Variants in TNK2 observed in about 807,000 individuals in gnomAD.
TNK2 encodes the protein activated CDC42 kinase 1.
In TNK2, 83 loss-of-function variants were observed where a neutral mutation model predicts 101.8. The ratio of observed to expected loss-of-function variants is 0.82; its 90% confidence interval spans 0.68 to 0.98. TNK2 has a LOEUF of 0.98. Among genes scored for constraint, TNK2 ranks in the 50% least tolerant of loss-of-function variants. The pLI is 0.00. For missense variants in TNK2, 1,665 were observed against 1,483.2 expected, an observed-to-expected ratio of 1.12 and a Z score of -2.01; for synonymous variants, 804 against 633.0, an observed-to-expected ratio of 1.27 and a Z score of -4.06.
intron 9 of TNK2, chr3:195,876,675 GGGGAAGGAGCCCCCAGA>G (rs1560501098): frequency 2.2e-6 from 1 of 454,604 alleles, no homozygotes; most frequent in African/African-American, 2.0e-5. Context: ...GGTGGCCCAG[GGGGAAGGAGCCCCCAGA>G]GCCCCACCAG....
At chr3:195,868,764 C>G in intron 12 of TNK2, 55 bp from the exon 13 acceptor site, 3 of 1,479,540 alleles carry the variant, frequency 2.0e-6, no homozygotes, top group South Asian at 2.7e-5. Context: ...GTCTGGGACA[C>G]GAGGGGAGGT....
chr3:195,891,543 G>GCGTCGTGGCTTTC (rs1321763682), intron 1 of TNK2, among the ~76,000 whole-genome samples: 1 of 152,204 alleles, frequency 6.6e-6, no homozygotes, highest in Non-Finnish European at 1.5e-5. Flanking sequence ...AGAGGACCAG[G>GCGTCGTGGCTTTC]CGTCGTGGCT....
chr3:195,869,912 C>G, intron 11 of TNK2: 1 of 561,066 alleles, frequency 1.8e-6, no homozygotes, highest in Non-Finnish European at 3.2e-6. Flanking sequence ...AGACCCAGCC[C>G]GAGGAGGCCC....
intron 1 of TNK2, among the ~76,000 whole-genome samples, chr3:195,900,570 A>G (rs771053686): frequency 1.3e-5 from 2 of 152,214 alleles, no homozygotes; most frequent in Non-Finnish European, 2.9e-5. Context: ...GAGACAGTAC[A>G]CTGAGGGCCC....
chr3:195,884,146 GAAGA>G (rs937194650), intron 4 of TNK2: 2 of 152,170 alleles, frequency 1.3e-5, no homozygotes, highest in African/African-American at 4.8e-5. Flanking sequence ...GCAACGCCGA[GAAGA>G]AAGAACAAGA....
rs1315689096 is a variant in TNK2 at position 195,882,019 on chromosome 3, G to A, written c.887+32C>T. 5.0e-6 allele frequency: 8 copies of A among 1,590,622 alleles called. No homozygotes were observed. The highest frequency in any genetic ancestry group is 1.3e-5 in the African/African-American group (1 of 74,612). On this transcript the variant is annotated intron_variant, in intron 6 of 15. Coordinates refer to ENST00000672887, the MANE Select transcript of TNK2 (RefSeq NM_001382273.1). This position sits in a 1 kb window ranked among gnomAD's most constrained non-coding sequence, Gnocchi z 4.2. ...AAGCTTTGAGGCCTGGGTCTGCAGG[G>A]ACTCTGTGAGCTGGCAGCACCTGCC...
Position 195,863,777 on chromosome 3 carries a change from A to G in TNK2, c.*404T>C, listed in dbSNP as rs1057201824. 4.9e-6 allele frequency: 1 copy of G among 204,392 alleles called. No homozygotes were observed. The highest frequency in any genetic ancestry group is 1.1e-4 in the East Asian group (1 of 9,256). The allele number at this position is 204,392 out of a possible 1,614,324, so 12.7% of individuals were successfully genotyped here. On this transcript the variant is annotated 3_prime_UTR_variant, in exon 16 of 16. Coordinates refer to ENST00000672887, the MANE Select transcript of TNK2 (RefSeq NM_001382273.1). The stretch of plus-strand genomic sequence containing the variant: ...GCCGGTCCGCCTCTCCCTGTGGCCA[A>G]CACATCCCGCCTGCCCAGGTCCAGC...
In TNK2 at chr3:195,883,325, T is replaced by A; in HGVS notation, c.457-16A>T. 2 of 1,611,960 alleles carry A rather than the reference T, an allele frequency of 1.2e-6. No individual in the cohort carries two copies. Among genetic ancestry groups the A allele is most frequent in the Non-Finnish European group, 1.7e-6 (2 of 1,179,780 alleles). ...CCACACTCACCTGCCCAGAGCGGGA[T>A]TTGCAAGGACTCAGGACTTGCCAGG... On this transcript the variant is annotated splice_polypyrimidine_tract_variant and intron_variant, in intron 4 of 15. Transcript: ENST00000672887.
intron 9 of TNK2, chr3:195,876,647 T>C (rs1321147165): frequency 4.4e-6 from 2 of 455,714 alleles, no homozygotes; most frequent in African/African-American, 2.0e-5. Context: ...GCAGGTGCTG[T>C]GGTTCCAAGC....
In TNK2 at chr3:195,886,928, G is replaced by T; in HGVS notation, c.234+49C>A. 1 of 1,595,780 alleles carries T rather than the reference G, an allele frequency of 6.3e-7. No homozygotes were observed. The highest frequency in any genetic ancestry group is 8.6e-7 in the Non-Finnish European group (1 of 1,163,246). ...TTCCCAGGACCAGAAGCGGAGGGGGGCGTTCGAGGCTGCCCCCCTCCCACC... is the reference window on the plus strand; with the variant it reads ...TTCCCAGGACCAGAAGCGGAGGGGGTCGTTCGAGGCTGCCCCCCTCCCACC... On this transcript the variant is annotated intron_variant, in intron 3 of 15. Transcript: ENST00000672887. The surrounding 1 kb of genome is among the most constrained non-coding windows in gnomAD (Gnocchi z 4.2).
intron 9 of TNK2, 187 bp from the exon 10 acceptor site, chr3:195,872,657 T>C: frequency 1.6e-6 from 1 of 609,802 alleles, no homozygotes; most frequent in African/African-American, 1.9e-5. Context: ...CAGGCCTGTT[T>C]GCACACGGCC....
chr3:195,902,345 C>CG (rs1022370841), intron 1 of TNK2, among the ~76,000 whole-genome samples: 1 of 152,080 alleles, frequency 6.6e-6, no homozygotes, highest in Admixed American at 6.6e-5. Flanking sequence ...GGGCCGGGCG[C>CG]GGGGGCTCAC....
In TNK2 at chr3:195,882,001, G is replaced by A; in HGVS notation, c.887+50C>T. The A allele has an allele frequency of 6.4e-7, 1 of 1,568,152 alleles. No homozygotes were observed. The highest frequency in any genetic ancestry group is 8.7e-7 in the Non-Finnish European group (1 of 1,154,784). On this transcript the variant is annotated intron_variant, in intron 6 of 15. Transcript: ENST00000672887. This position sits in a 1 kb window ranked among gnomAD's most constrained non-coding sequence, Gnocchi z 4.2. ...GGGTCCAGAAAGCCCCAGAAGCTTT[G>A]AGGCCTGGGTCTGCAGGGACTCTGT...
rs753711118 is a variant in TNK2, at chr3:195,867,543, C to T, written c.2755G>A (p.Ala919Thr). 1.4e-4 allele frequency: 93 copies of T among 660,878 alleles called. No homozygotes were observed. The highest frequency in any genetic ancestry group is 7.9e-4 in the African/African-American group (37 of 47,084). 40.9% of individuals were successfully genotyped at this position (660,878 alleles called of 1,614,324 possible). A position where few individuals can be genotyped will look rare whatever the true frequency, so the allele number is the denominator to read the frequency against. ...ATCGGCCGCACGGTGGCCGTGGGGG[C>T]GGCGGGGGCTGGGGTGCTGGGTGGG... is the stretch of plus-strand genomic sequence containing the variant. ...LPPPSTPAPA[A>T]PTATVRPMPQ... Residue 919 changes from alanine (A) to threonine (T), a missense_variant, in exon 13 of 16, where the codon GCC becomes ACC. Physicochemically the swap from Ala to Thr is moderately conservative, Grantham distance 58. This residue lies in a region of TNK2 where 1,136 missense variants were observed against 894.9 expected (regional missense o/e 1.27). Transcript: ENST00000672887.
At position 195,867,771 on chromosome 3, in the gene TNK2, C is replaced by T. The variant is rs552313951; in HGVS notation, c.2527G>A (p.Ala843Thr). 47 of 1,583,904 alleles carry T rather than the reference C, an allele frequency of 3.0e-5. No individual in the cohort carries two copies. Among genetic ancestry groups the T allele is most frequent in the Non-Finnish European group, 3.6e-5 (42 of 1,167,000 alleles). The change falls in exon 13 of 16, where the codon GCC (alanine) becomes ACC (threonine). Residue 843 changes from alanine (A) to threonine (T), a missense_variant. By Grantham distance (58) the Ala-to-Thr change is moderately conservative (BLOSUM62 0). Around this residue, in one of 3 missense-constraint regions of TNK2, gnomAD observed 1,136 missense variants for 894.9 expected, o/e 1.27. Transcript: ENST00000672887. Reference protein sequence around the residue: ...TQSFASDPKYATPQVIQAPGP... With the variant: ...TQSFASDPKYTTPQVIQAPGP... The stretch of plus-strand genomic sequence containing the variant: ...GGGGCCTGGATCACCTGGGGGGTGG[C>T]GTACTTGGGGTCTGAGGCAAAGCTC...
At chr3:195,887,952 CTGCGTGTG>C (rs1560528854) in intron 2 of TNK2, among the ~76,000 whole-genome samples, 1 of 75,216 alleles carries the variant, frequency 1.3e-5, no homozygotes, top group African/African-American at 8.7e-5. Flanking sequence ...GCGTGTGTGC[CTGCGTGTG>C]TGTGTGTGTG....
chr3:195,905,346 C>T (rs1042631533), intron 1 of TNK2, among the ~76,000 whole-genome samples: 1 of 152,026 alleles, frequency 6.6e-6, no homozygotes, highest in Non-Finnish European at 1.5e-5. Flanking sequence ...ATTACAGGTG[C>T]CCGCCACCAC....
At chr3:195,869,454 G>T in intron 12 of TNK2, 43 bp downstream of exon 12, 4 of 1,540,436 alleles carry the variant, frequency 2.6e-6, no homozygotes, top group Non-Finnish European at 3.5e-6. Context: ...GAGAGAGAGG[G>T]GGCGGGGGCG....
chr3:195,901,678 A>G (rs1238274686), intron 1 of TNK2, among the ~76,000 whole-genome samples: 2 of 152,080 alleles, frequency 1.3e-5, no homozygotes, highest in Non-Finnish European at 2.9e-5. Flanking sequence ...ACTATGCGCC[A>G]GCTCTTCACT....
Sources: gnomAD v4.1 joint callset for allele counts (sites outside exome capture counted in the v4.1 genomes callset) on GRCh38, gnomAD v4.1.1 for gene constraint, gnomAD v4.1.1 regional missense constraint, Gnocchi (gnomAD v3.1) non-coding constraint, MANE v1.5 for transcripts, NCBI Gene and HGNC (gene_info 2026-07-23, HGNC 2026-07-21) for gene names.